The following ABI3BP variants were observed in gnomAD, a reference collection of about 807,000 sequenced individuals.
The protein encoded by ABI3BP is target of Nesh-SH3.
ABI3BP carries 216 observed loss-of-function variants against 268.6 expected under a neutral mutation model. The ratio of observed to expected loss-of-function variants is 0.80; its 90% CI spans 0.72 to 0.90. The LOEUF (loss-of-function observed/expected upper bound fraction) is 0.90. Ranked by LOEUF, ABI3BP falls within the 40% of genes least tolerant of loss-of-function variation. The probability of loss-of-function intolerance (pLI) is 0.00; values close to 1 mark genes in which losing one functional copy is unlikely to be tolerated. For synonymous variants in ABI3BP, 730 were observed against 730.0 expected (o/e 1.00, Z 0.00); for missense variants, 2,090 against 2,182.4 (o/e 0.96, Z 0.84).
At chr3:100,969,887 C>T in intron 1 of ABI3BP, among the ~76,000 whole-genome samples, 1 of 152,050 alleles carries the variant, frequency 6.6e-6, no homozygotes. Context: ...TTTTCCTGCT[C>T]ATGTAAAGTT....
chr3:100,963,076 C>T (rs2079728700), intron 1 of ABI3BP, among the ~76,000 whole-genome samples: 2 of 152,144 alleles, frequency 1.3e-5, no homozygotes, highest in African/African-American at 4.8e-5. Context: ...AGTGGTAATA[C>T]TTATTCTGGG....
intron 2 of ABI3BP, among the ~76,000 whole-genome samples, chr3:100,920,358 C>T (rs148539216): frequency 6.6e-6 from 1 of 152,268 alleles, no homozygotes; most frequent in African/African-American, 2.4e-5. Flanking sequence ...CTTGTTATAA[C>T]AGCAACTGAC....
intron 58 of ABI3BP, among the ~76,000 whole-genome samples, chr3:100,779,215 T>A (rs2096796451): frequency 1.3e-5 from 2 of 152,190 alleles, no homozygotes; most frequent in Admixed American, 1.3e-4. Context: ...CAAGTCTGTA[T>A]CTGTAGGGAG....
Position 100,894,965 on chromosome 3 carries a change from A to AAAAAAAAAC in ABI3BP, c.461+3796_461+3797insGTTTTTTTT, listed in dbSNP as rs760156604. The stretch of plus-strand genomic sequence containing the variant: ...AAAAAAAAAAAAAAAAAAAAAAAAA[A>AAAAAAAAAC]AACAGAAAAAAAAAACACAAGATGA... On this transcript the variant is annotated intron_variant, in intron 4 of 67. Transcript: ENST00000471714. Among the ~76,000 whole-genome samples, 72 of 120,858 alleles carry AAAAAAAAAC rather than the reference A, an allele frequency of 6.0e-4. 1 individual carries two copies. Among genetic ancestry groups the AAAAAAAAAC allele is most frequent in the Non-Finnish European group, 1.1e-3 (54 of 51,380 alleles). The allele number at this position is 120,858 out of a possible 152,430, so 79.3% of individuals were successfully genotyped here.
chr3:100,952,991 A>G (rs1418002802), intron 1 of ABI3BP, among the ~76,000 whole-genome samples: 2 of 152,044 alleles, frequency 1.3e-5, no homozygotes, highest in Non-Finnish European at 2.9e-5. Context: ...CTCTCTTTGC[A>G]TTTCTAGCTT....
At chr3:100,887,866 GTAATTTGTGGGGC>G (rs2042701746) in intron 4 of ABI3BP, among the ~76,000 whole-genome samples, 1 of 151,982 alleles carries the variant, frequency 6.6e-6, no homozygotes, top group Non-Finnish European at 1.5e-5. Context: ...AACTGGCTAC[GTAATTTGTGGGGC>G]TCAATAAGAA....
chr3:100,834,407 A>G (rs1271149096), intron 29 of ABI3BP, among the ~76,000 whole-genome samples: 3 of 152,168 alleles, frequency 2.0e-5, no homozygotes, highest in African/African-American at 4.8e-5. Context: ...CTAGACACCT[A>G]ATCAGGTCAG....
intron 51 of ABI3BP, among the ~76,000 whole-genome samples, chr3:100,798,624 C>A (rs2097427702): frequency 6.6e-6 from 1 of 151,922 alleles, no homozygotes; most frequent in African/African-American, 2.4e-5. Context: ...ACCAATCTGT[C>A]TTTTTGAATA....
chr3:100,815,854 C>A, intron 44 of ABI3BP, 58 bp downstream of exon 44: 2 of 1,301,630 alleles, frequency 1.5e-6, no homozygotes, highest in South Asian at 1.4e-5. Flanking sequence ...TGACAGTGCT[C>A]AAGTGCGTTT....
intron 2 of ABI3BP, among the ~76,000 whole-genome samples, chr3:100,915,470 G>A (rs1487543873): frequency 6.6e-6 from 1 of 152,158 alleles, no homozygotes. Context: ...AGTCCCTGCT[G>A]GAGGTGGAGG....
intron 3 of ABI3BP, among the ~76,000 whole-genome samples, chr3:100,900,669 A>C (rs1038927125): frequency 2.0e-5 from 3 of 152,316 alleles, no homozygotes; most frequent in African/African-American, 7.2e-5. Context: ...AAATAATTAA[A>C]TAATTAAAAT....
intron 1 of ABI3BP, among the ~76,000 whole-genome samples, chr3:100,943,748 G>T (rs2070696854): frequency 6.6e-6 from 1 of 151,998 alleles, no homozygotes; most frequent in South Asian, 2.1e-4. Context: ...TGTTGTTATT[G>T]TCACAGTAGT....
intron 1 of ABI3BP, among the ~76,000 whole-genome samples, chr3:100,937,815 ACAT>A (rs1386144848): frequency 6.6e-6 from 1 of 152,072 alleles, no homozygotes; most frequent in Non-Finnish European, 1.5e-5. Context: ...CTTTATGGTC[ACAT>A]CAGTTTATGA....
intron 4 of ABI3BP, among the ~76,000 whole-genome samples, chr3:100,891,386 G>C (rs1414133684): frequency 6.6e-6 from 1 of 152,218 alleles, no homozygotes; most frequent in Non-Finnish European, 1.5e-5. Context: ...AAAGCAATGA[G>C]AAGGCTAGCA....
chr3:100,956,208 A>G (rs999754297), intron 1 of ABI3BP, among the ~76,000 whole-genome samples: 3 of 121,216 alleles, frequency 2.5e-5, no homozygotes, highest in Non-Finnish European at 3.3e-5. Context: ...AAAAAAAAAG[A>G]AAAACAACAC....
intron 39 of ABI3BP, 121 bp from the exon 40 acceptor site, chr3:100,820,424 C>A: frequency 1.5e-6 from 1 of 660,220 alleles, no homozygotes; most frequent in Non-Finnish European, 2.4e-6. Flanking sequence ...GGAAATTTGT[C>A]TTTTTAACTT....
intron 56 of ABI3BP, 87 bp downstream of exon 56, chr3:100,789,367 T>G: frequency 7.9e-7 from 1 of 1,269,976 alleles, no homozygotes; most frequent in Non-Finnish European, 1.1e-6. Flanking sequence ...AATGTAAGGG[T>G]TCCCCTTTGG....
At chr3:100,860,174 C>T (rs1318985491) in intron 14 of ABI3BP, among the ~76,000 whole-genome samples, 1 of 152,240 alleles carries the variant, frequency 6.6e-6, no homozygotes, top group African/African-American at 2.4e-5. Context: ...AGCCCAAGTT[C>T]TGCCTTTTCA....
Position 100,969,750 on chromosome 3 carries a change from G to A in ABI3BP, c.79+23556C>T, listed in dbSNP as rs896446867. On this transcript the variant is annotated intron_variant, in intron 1 of 67. Transcript: ENST00000471714. ...ATAGAGTCAGGGTGGAGTAGGAAGA[G>A]TCCACATCTAAGAGTGTTAACTCAT... Among the ~76,000 whole-genome samples, 3 of 152,120 alleles carry A rather than the reference G, an allele frequency of 2.0e-5. No individual in the cohort carries two copies. The East Asian group carries it at 5.8e-4, about 29-fold the overall frequency.
Sources: gnomAD v4.1 joint callset for allele counts (sites outside exome capture counted in the v4.1 genomes callset) on GRCh38, gnomAD v4.1.1 for gene constraint, MANE v1.5 for transcripts, NCBI Gene and HGNC (gene_info 2026-07-23, HGNC 2026-07-21) for gene names.